PLB1: variants seen among roughly 807,000 people sequenced by gnomAD.
PLB1 encodes the protein phospholipase B1, membrane-associated.
A neutral mutation model predicts 227.4 loss-of-function variants in PLB1; 242 were observed. The ratio of observed to expected loss-of-function variants is 1.06; its 90% confidence interval spans 0.96 to 1.18. The LOEUF is 1.18. Ranked by LOEUF, PLB1 falls within the 50% of genes most tolerant of loss-of-function variation. The probability of loss-of-function intolerance (pLI) is 0.00; values close to 1 mark genes in which losing one functional copy is unlikely to be tolerated. For missense variants in PLB1, 1,858 were observed against 1,816.3 expected (o/e 1.02, Z -0.42); for synonymous variants, 757 against 682.2 (o/e 1.11, Z -1.71).
chr2:28,605,768 AGTG>A, intron 41 of PLB1, 82 bp from the exon 42 acceptor site: 1 of 1,014,164 alleles, frequency 9.9e-7, no homozygotes, highest in Non-Finnish European at 1.5e-6. Context: ...GAAGGTGTTG[AGTG>A]GTCAGTCCCA....
intron 29 of PLB1, among the ~76,000 whole-genome samples, chr2:28,590,416 C>T (rs1019580381): frequency 3.3e-5 from 5 of 152,134 alleles, no homozygotes; most frequent in East Asian, 3.8e-4. Context: ...GCAGATGGGG[C>T]GGAAGGATCC....
chr2:28,523,533 G>T (rs1289853129), intron 4 of PLB1, among the ~76,000 whole-genome samples: 1 of 151,908 alleles, frequency 6.6e-6, no homozygotes, highest in Non-Finnish European at 1.5e-5. Flanking sequence ...GCTGGGAGTG[G>T]GCACGATGGG....
chr2:28,608,333 A>G (rs1294110629), intron 43 of PLB1, among the ~76,000 whole-genome samples: 1 of 152,206 alleles, frequency 6.6e-6, no homozygotes, highest in African/African-American at 2.4e-5. Flanking sequence ...CCAGCATCTC[A>G]GTGTGAGCTG....
chr2:28,567,695 A>T (rs1677273717), intron 20 of PLB1, among the ~76,000 whole-genome samples: 1 of 151,882 alleles, frequency 6.6e-6, no homozygotes, highest in East Asian at 1.9e-4. Flanking sequence ...GATGGTCTCG[A>T]TTTCCTGACT....
intron 9 of PLB1, among the ~76,000 whole-genome samples, chr2:28,535,463 A>G (rs1228435347): frequency 1.3e-5 from 2 of 152,230 alleles, no homozygotes; most frequent in Non-Finnish European, 1.5e-5. Context: ...CTCACAGCCC[A>G]GACCCACACT....
intron 55 of PLB1, 61 bp from the exon 56 acceptor site, chr2:28,632,883 A>C (rs1042376126): frequency 2.5e-5 from 31 of 1,241,928 alleles, no homozygotes; most frequent in Non-Finnish European, 3.5e-5. Context: ...TGGGAGAGTG[A>C]GTGGGGCTCA....
rs556171883 is a variant in PLB1 at position 28,536,471 on chromosome 2, G to A, written c.556-1848G>A. On this transcript the variant is annotated intron_variant, in intron 9 of 57. Coordinates refer to ENST00000327757, the MANE Select transcript of PLB1 (RefSeq NM_153021.5). ...ACAGACACATTTATCCCTTGTAAAC[G>A]TCTCTAGCTACAGGTGGCAGCCTTT... Among the ~76,000 whole-genome samples, 7 of 152,318 alleles carry A rather than the reference G, an allele frequency of 4.6e-5. No homozygotes were observed. The East Asian group carries it at 1.2e-3, about 25-fold the overall frequency.
At position 28,643,003 on chromosome 2, in the gene PLB1, G is replaced by T; in HGVS notation, c.4319G>T (p.Cys1440Phe). The change falls in exon 58 of 58, where the codon TGC becomes TTC. Residue 1440 changes from cysteine (C) to phenylalanine (F), a missense_variant. Physicochemically the swap from Cys to Phe is radical, Grantham distance 205. Transcript: ENST00000327757. ...VGIIGTVVWR[C>F]RRGGRREDPP... is the part of the protein sequence containing the mutation. ...ATCATCGGGACAGTGGTCTGGAGGT[G>T]CAGGAGAGGTGGCCGGAGGGAAGAT... 1 of 1,611,228 alleles carries T rather than the reference G, an allele frequency of 6.2e-7. No homozygotes were observed. The highest frequency in any genetic ancestry group is 1.7e-4 in the Middle Eastern group (1 of 6,004).
At position 28,626,458 on chromosome 2, in the gene PLB1, G is replaced by A. The variant is rs75256764; in HGVS notation, c.3610G>A (p.Val1204Ile). The A allele has an allele frequency of 6.2e-7, 1 of 1,614,160 alleles. No homozygotes were observed. Among genetic ancestry groups the A allele is most frequent in the East Asian group, 2.2e-5 (1 of 44,876 alleles). Residue 1204 changes from valine (V) to isoleucine (I), a missense_variant, in exon 51 of 58, where the codon GTC becomes ATC. Physicochemically the swap from Val to Ile is conservative, Grantham distance 29. Transcript: ENST00000327757. The stretch of plus-strand genomic sequence containing the variant: ...CAACCTGGAGAAAGACTGGAAGCTG[G>A]TCACACTCTTCATTGGGGTCAACGA... Reference protein sequence around the residue: ...DINLEKDWKLVTLFIGVNDLC... With the variant: ...DINLEKDWKLITLFIGVNDLC...
rs762659684 is a variant in PLB1, at chr2:28,548,941, A to G, written c.1008+10A>G. The G allele has an allele frequency of 1.9e-6, 3 of 1,613,504 alleles. No individual in the cohort carries two copies. The highest frequency in any genetic ancestry group is 2.5e-6 in the Non-Finnish European group (3 of 1,179,516). Reference sequence around the variant, plus strand: ...GAAGTGTCCCTCTCAGGTAGGAGGGACTGGGCAGAGGAGGGACTCTTATTG... The same window carrying G: ...GAAGTGTCCCTCTCAGGTAGGAGGGGCTGGGCAGAGGAGGGACTCTTATTG... On this transcript the variant is annotated intron_variant, in intron 15 of 57. Transcript: ENST00000327757.
chr2:28,574,342 C>A (rs113554136), intron 21 of PLB1, among the ~76,000 whole-genome samples: 1 of 99,380 alleles, frequency 1.0e-5, no homozygotes, highest in Admixed American at 1.2e-4. Flanking sequence ...CCTCACCCCC[C>A]CCACCCTTCC....
chr2:28,540,803 T>A (rs1019079368), intron 12 of PLB1, among the ~76,000 whole-genome samples: 1 of 152,150 alleles, frequency 6.6e-6, no homozygotes. Flanking sequence ...AGTGTGCCTG[T>A]CCCTAGCTTA....
rs7574482 is a variant in PLB1, at chr2:28,601,865, G to A, written c.2608-34G>A. On this transcript the variant is annotated intron_variant, in intron 37 of 57. Coordinates refer to ENST00000327757, the MANE Select transcript of PLB1 (RefSeq NM_153021.5). ...CCCCACTGCCCTCCCACCCTAACCA[G>A]TTCCTCCTTTTCCTCCTTCCTGTCT... 9.3e-3 allele frequency: 14,471 copies of A among 1,555,222 alleles called. 1,123 individuals carry two copies. The African/African-American group carries it at 0.17, about 18-fold the overall frequency.
chr2:28,572,320 C>A (rs4666100), intron 20 of PLB1, among the ~76,000 whole-genome samples: 2 of 152,074 alleles, frequency 1.3e-5, no homozygotes, highest in Non-Finnish European at 2.9e-5. Flanking sequence ...AAATGGTGCA[C>A]CTGCTTTGGG....
intron 46 of PLB1, among the ~76,000 whole-genome samples, chr2:28,619,524 GTTT>G (rs1054121256): frequency 4.2e-5 from 2 of 47,238 alleles, no homozygotes; most frequent in Admixed American, 2.1e-4. Flanking sequence ...TCAAGGTTTT[GTTT>G]TTTTTTTTTT....
At chr2:28,584,936 C>T (rs1262695888) in intron 25 of PLB1, among the ~76,000 whole-genome samples, 1 of 152,234 alleles carries the variant, frequency 6.6e-6, no homozygotes, top group Non-Finnish European at 1.5e-5. Context: ...GAGAAAGTTA[C>T]TCAACCACCC....
intron 53 of PLB1, 35 bp downstream of exon 53, chr2:28,629,220 A>T: frequency 6.3e-7 from 1 of 1,599,052 alleles, no homozygotes; most frequent in East Asian, 2.2e-5. Context: ...AGGCAAGGGC[A>T]CCTGGGGTGA....
chr2:28,612,105 C>A (rs1685537407), intron 43 of PLB1, among the ~76,000 whole-genome samples: 1 of 152,176 alleles, frequency 6.6e-6, no homozygotes, highest in African/African-American at 2.4e-5. Context: ...GAGATCGCGC[C>A]ACTGCACTCC....
At chr2:28,532,846 A>G (rs1671202637) in intron 9 of PLB1, among the ~76,000 whole-genome samples, 1 of 152,238 alleles carries the variant, frequency 6.6e-6, no homozygotes, top group Non-Finnish European at 1.5e-5. Flanking sequence ...GAAACAGGAC[A>G]TGAAGCGTGT....
Sources: allele counts gnomAD v4.1 joint callset (sites outside exome capture counted in the v4.1 genomes callset), GRCh38; gene constraint gnomAD v4.1.1; transcripts MANE v1.5; gene names NCBI Gene and HGNC (gene_info 2026-07-23, HGNC 2026-07-21).